The following LAMC3 variants were observed in gnomAD, a reference collection of about 807,000 sequenced individuals.
LAMC3 encodes laminin subunit gamma 3.
Under a neutral mutation model 173.8 loss-of-function variants are expected in LAMC3, and 128 were observed. The ratio of observed to expected loss-of-function variants is 0.74; its 90% CI spans 0.64 to 0.85. The LOEUF is 0.85. LAMC3 is among the 40% of genes least tolerant of loss of function. The pLI is 0.00. For missense variants in LAMC3, 2,022 were observed against 2,156.0 expected, an observed-to-expected ratio of 0.94 and a Z score of 1.23; for synonymous variants, 897 against 909.1, an observed-to-expected ratio of 0.99 and a Z score of 0.24.
At chr9:131,073,046 G>T (rs887486914) in intron 19 of LAMC3, among the ~76,000 whole-genome samples, 199 bp from the exon 20 acceptor site, 2 of 152,206 alleles carry the variant, frequency 1.3e-5, no homozygotes, top group Non-Finnish European at 2.9e-5. Flanking sequence ...GACTGAATGC[G>T]CAGTAAGTGG....
intron 12 of LAMC3, among the ~76,000 whole-genome samples, chr9:131,059,678 G>A (rs1366604433): frequency 6.6e-6 from 1 of 152,138 alleles, no homozygotes; most frequent in African/African-American, 2.4e-5. Flanking sequence ...CAGCCCCTGT[G>A]GAGGAAGCAG....
chr9:131,075,946 C>T lies in LAMC3; in HGVS notation c.3610C>T (p.Gln1204Ter). 1 of 1,609,336 alleles carries T rather than the reference C, an allele frequency of 6.2e-7. No homozygotes were observed. The highest frequency in any genetic ancestry group is 1.1e-5 in the South Asian group (1 of 90,630). ...GGAGGGAAGGGTGGCCCTAGAGACC[C>T]AGCGGGACCTGGAGGACAGGTGAGG... ...LLEGRVALET[Q>*]RDLEDRYQEV... The change falls in exon 21 of 28, where the codon CAG becomes TAG. Residue 1204 changes from glutamine (Q) to a stop codon, truncating the protein, a stop_gained. Transcript: ENST00000361069. LOFTEE classifies it high-confidence loss of function.
chr9:131,026,949 C>T lies in LAMC3; in HGVS notation c.678+360C>T, dbSNP rs1459492638. 3.9e-5 allele frequency among the ~76,000 whole-genome samples: 6 copies of T among 152,078 alleles called. No individual in the cohort carries two copies. The highest frequency in any genetic ancestry group is 7.2e-5 in the African/African-American group (3 of 41,428). ...CTGGTCTTGAACTCCTGACATTAAG[C>T]GATCCACCTGCCTCGGCCTCCCAAA... On this transcript the variant is annotated intron_variant, in intron 2 of 27. Coordinates refer to ENST00000361069, the MANE Select transcript of LAMC3 (RefSeq NM_006059.4). The surrounding 1 kb of genome is among the most constrained non-coding windows in gnomAD (Gnocchi z 4.8).
intron 25 of LAMC3, among the ~76,000 whole-genome samples, chr9:131,086,397 T>C (rs904194733): frequency 1.7e-4 from 3 of 18,034 alleles, no homozygotes; most frequent in African/African-American, 6.7e-4. Context: ...TTGGTTTTGT[T>C]TTTTTTTTTT....
rs983247092 is a variant in LAMC3, at chr9:131,079,312, C to T, written c.3927+14C>T. On this transcript the variant is annotated intron_variant, in intron 23 of 27. Coordinates refer to ENST00000361069, the MANE Select transcript of LAMC3 (RefSeq NM_006059.4). The stretch of plus-strand genomic sequence containing the variant: ...CCCCTCACAAAGGTCAGCTCTTGTG[C>T]TTTGAAGCAGGGGACCTGGGAGAGG... 13 of 1,613,836 alleles carry T rather than the reference C, an allele frequency of 8.1e-6. No individual in the cohort carries two copies. The Admixed American group carries it at 8.3e-5, about 10-fold the overall frequency.
In LAMC3 at chr9:131,065,059, A is replaced by G. The variant is rs10901339; in HGVS notation, c.2348-1901A>G. ...CCATCTAAAAAAAAAAAAAAAAAAA[A>G]GAAAAGGAAAGAAAAAATCATGTAA... On this transcript the variant is annotated intron_variant, in intron 13 of 27. Coordinates refer to ENST00000361069, the MANE Select transcript of LAMC3 (RefSeq NM_006059.4). Among the ~76,000 whole-genome samples, 163 of 135,262 alleles carry G rather than the reference A, an allele frequency of 1.2e-3. 26 individuals are homozygous for G. The highest frequency in any genetic ancestry group is 1.3e-3 in the Non-Finnish European group (82 of 64,210). The allele number at this position is 135,262 out of a possible 152,430, so 88.7% of individuals were successfully genotyped here. A position where few individuals can be genotyped will look rare whatever the true frequency, so the allele number is the denominator to read the frequency against.
chr9:131,045,836 CCCCCAG>C (rs1834144804), intron 8 of LAMC3, among the ~76,000 whole-genome samples, 176 bp downstream of exon 8: 1 of 152,180 alleles, frequency 6.6e-6, no homozygotes, highest in Non-Finnish European at 1.5e-5. Flanking sequence ...CCACCTGCGA[CCCCCAG>C]CTCCCTCCCC....
At chr9:131,050,024 T>G in intron 9 of LAMC3, among the ~76,000 whole-genome samples, 1 of 152,216 alleles carries the variant, frequency 6.6e-6, no homozygotes, top group East Asian at 1.9e-4. Flanking sequence ...CACAGGTGGC[T>G]GAGGAGCCGT....
In LAMC3 at chr9:131,068,046, T is replaced by C. The variant is rs374127497; in HGVS notation, c.2594-32T>C. On this transcript the variant is annotated intron_variant, in intron 14 of 27. Coordinates refer to ENST00000361069, the MANE Select transcript of LAMC3 (RefSeq NM_006059.4). Reference sequence around the variant, plus strand: ...AAGTTGGAACAGACAATCTGCATTGTTCCCAACACCCCTTCCTGCTCCTGC... The same window carrying C: ...AAGTTGGAACAGACAATCTGCATTGCTCCCAACACCCCTTCCTGCTCCTGC... The C allele has an allele frequency of 1.3e-5, 21 of 1,604,348 alleles. No homozygotes were observed. In the African/African-American group the frequency reaches 2.8e-4, roughly 21 times the overall value.
chr9:131,038,264 C>T (rs895432680), intron 4 of LAMC3, among the ~76,000 whole-genome samples: 2 of 152,224 alleles, frequency 1.3e-5, no homozygotes, highest in Admixed American at 6.5e-5. Context: ...CTCAGCCCTG[C>T]ACCTGCAGGG....
intron 1 of LAMC3, among the ~76,000 whole-genome samples, chr9:131,019,778 G>T (rs1833595277): frequency 6.6e-6 from 1 of 152,056 alleles, no homozygotes; most frequent in Non-Finnish European, 1.5e-5. Context: ...GCCTAGGAAG[G>T]GGGTGAAGGG....
At chr9:131,062,172 C>T (rs1829840198) in intron 13 of LAMC3, among the ~76,000 whole-genome samples, 1 of 152,034 alleles carries the variant, frequency 6.6e-6, no homozygotes, top group Non-Finnish European at 1.5e-5. Context: ...ACCATCCTGG[C>T]TAACACGGTG....
chr9:131,067,867 C>T (rs1193043053), intron 14 of LAMC3, among the ~76,000 whole-genome samples: 2 of 152,176 alleles, frequency 1.3e-5, no homozygotes, highest in African/African-American at 2.4e-5. Flanking sequence ...TTACCATGAC[C>T]GTCCTGGGCT....
At chr9:131,083,693 G>A (rs1286031299) in intron 24 of LAMC3, among the ~76,000 whole-genome samples, 2 of 152,074 alleles carry the variant, frequency 1.3e-5, no homozygotes, top group East Asian at 3.8e-4. Context: ...TGTTAACACC[G>A]TGGAGAATTA....
At chr9:131,018,840 C>A (rs1159509784) in intron 1 of LAMC3, among the ~76,000 whole-genome samples, 1 of 152,224 alleles carries the variant, frequency 6.6e-6, no homozygotes, top group East Asian at 1.9e-4. Flanking sequence ...CAACATCCTG[C>A]CTGGTGTGGA....
Position 131,052,640 on chromosome 9 carries a change from C to G in LAMC3, c.1780C>G (p.Pro594Ala), listed in dbSNP as rs778895040. The change falls in exon 10 of 28, where the codon CCC becomes GCC. Residue 594 changes from proline (P) to alanine (A), a missense_variant. Transcript: ENST00000361069. ...LSLRHSSLSGPQDAGHPREVE... is the reference protein window; with the variant it reads ...LSLRHSSLSGAQDAGHPREVE... ...CCTGAGGCACTCTAGCCTGTCTGGC[C>G]CCCAGGATGCCGGGCATCCCAGGGA... The G allele has an allele frequency of 3.0e-5, 49 of 1,613,806 alleles. No homozygotes were observed. Among genetic ancestry groups the G allele is most frequent in the Non-Finnish European group, 4.2e-5 (49 of 1,179,960 alleles).
chr9:131,047,165 C>CTTTTTTTTT (rs398012456), intron 8 of LAMC3, among the ~76,000 whole-genome samples: 16,359 of 101,500 alleles, frequency 0.16, 2,945 homozygotes, highest in Non-Finnish European at 0.21. Flanking sequence ...CTGAATTCCT[C>CTTTTTTTTT]TTTTTTTTTT....
In LAMC3 at chr9:131,056,951, C is replaced by T; in HGVS notation, c.1962C>T (p.Val654=). 1.9e-6 allele frequency: 3 copies of T among 1,613,224 alleles called. No homozygotes were observed. In the South Asian group the frequency reaches 3.3e-5, roughly 18 times the overall value. ...CAGGTCCAGTGTTCCTGACTGAGGTCCGGCTCACATCCGCCCGGCCAGGGC... is the reference window on the plus strand; with the variant it reads ...CAGGTCCAGTGTTCCTGACTGAGGTTCGGCTCACATCCGCCCGGCCAGGGC... The part of the protein sequence containing the change: ...SPAGPVFLTE[V]RLTSARPGLS... The change falls in exon 12 of 28, where the codon GTC becomes GTT. Residue 654 remains valine, a synonymous_variant. Coordinates refer to ENST00000361069, the MANE Select transcript of LAMC3 (RefSeq NM_006059.4).
intron 12 of LAMC3, among the ~76,000 whole-genome samples, chr9:131,059,237 A>G (rs1829757223): frequency 6.6e-6 from 1 of 151,228 alleles, no homozygotes; most frequent in Non-Finnish European, 1.5e-5. Flanking sequence ...TCACGCCTGT[A>G]ATCCCAGCAC....
Sources: gnomAD v4.1 joint callset for allele counts (sites outside exome capture counted in the v4.1 genomes callset) on GRCh38, gnomAD v4.1.1 for gene constraint, Gnocchi (gnomAD v3.1) non-coding constraint, MANE v1.5 for transcripts, NCBI Gene and HGNC (gene_info 2026-07-23, HGNC 2026-07-21) for gene names.